The following MYO1C variants were observed in gnomAD, a reference collection of about 807,000 sequenced individuals.
MYO1C encodes myosin IC, also known as unconventional myosin-Ic.
A neutral mutation model predicts 150.8 loss-of-function variants in MYO1C; 104 were observed. The observed-to-expected ratio is 0.69, with a 90% CI of 0.59 to 0.81. MYO1C has a LOEUF of 0.81. Ranked by LOEUF, MYO1C falls within the 30% of genes least tolerant of loss-of-function variation. The pLI is 0.00. For missense variants in MYO1C, 1,504 were observed against 1,435.0 expected (o/e 1.05, Z -0.78); for synonymous variants, 663 against 579.9 (o/e 1.14, Z -2.06).
rs551123081 is a variant in MYO1C, at chr17:1,466,083, G to C, written c.3166-331C>G. Among the ~76,000 whole-genome samples, 4 of 151,566 alleles carry C rather than the reference G, an allele frequency of 2.6e-5. No homozygotes were observed. The South Asian group carries it at 8.4e-4, about 32-fold the overall frequency. On this transcript the variant is annotated intron_variant, in intron 31 of 31. Coordinates refer to ENST00000648651, the MANE Select transcript of MYO1C (RefSeq NM_001080779.2). Reference sequence around the variant, plus strand: ...ATGCCCACCGCCCTGGCCAGCGTGAGCCTGTGAGCCTGTCCTCCCTCCTGG... The same window carrying C: ...ATGCCCACCGCCCTGGCCAGCGTGACCCTGTGAGCCTGTCCTCCCTCCTGG...
intron 17 of MYO1C, among the ~76,000 whole-genome samples, chr17:1,473,456 C>T (rs753856342): frequency 6.6e-6 from 1 of 151,904 alleles, no homozygotes; most frequent in Non-Finnish European, 1.5e-5. Context: ...TGTGGTGCTT[C>T]GGGAGAGGGT....
chr17:1,467,364 G>C (rs760373980), intron 30 of MYO1C, 23 bp from the exon 31 acceptor site: 1 of 1,606,606 alleles, frequency 6.2e-7, no homozygotes, highest in Non-Finnish European at 8.5e-7. Context: ...GGTGGGTGAG[G>C]GTTTTTCCAT....
intron 1 of MYO1C, among the ~76,000 whole-genome samples, chr17:1,488,690 A>G (rs577803910): frequency 6.6e-6 from 1 of 152,042 alleles, no homozygotes; most frequent in African/African-American, 2.4e-5. Flanking sequence ...CTTCAGTGAC[A>G]CCGTTCAGGC....
intron 21 of MYO1C, 62 bp from the exon 22 acceptor site, chr17:1,470,751 CG>C: frequency 6.6e-7 from 1 of 1,516,136 alleles, no homozygotes; most frequent in Non-Finnish European, 9.0e-7. Flanking sequence ...AGCCTGGTGC[CG>C]TGTGCGCTCC....
intron 14 of MYO1C, among the ~76,000 whole-genome samples, chr17:1,475,477 G>A (rs1210597588): frequency 6.6e-6 from 1 of 152,204 alleles, no homozygotes; most frequent in East Asian, 1.9e-4. Flanking sequence ...AGCGGACCAT[G>A]GAGGCTCAGA....
In MYO1C at chr17:1,478,210, A is replaced by T. The variant is rs1212717507; in HGVS notation, c.1296-18T>A. ...GCTCAAAGCTGTAAGGAAGGAGAAG[A>T]GCCCACAGTGGCTCAGTGGGGACAC... On this transcript the variant is annotated intron_variant, in intron 11 of 31. Transcript: ENST00000648651. The surrounding 1 kb of genome is among the most constrained non-coding windows in gnomAD (Gnocchi z 6.3). 2.5e-6 allele frequency: 4 copies of T among 1,611,426 alleles called. No homozygotes were observed. The African/African-American group carries it at 5.3e-5, about 22-fold the overall frequency.
intron 1 of MYO1C, chr17:1,485,815 GC>G: frequency 3.0e-6 from 2 of 657,570 alleles, no homozygotes; most frequent in Non-Finnish European, 3.8e-6. Flanking sequence ...CCCCCGCACC[GC>G]CCCCACCCGG....
Position 1,468,023 on chromosome 17 carries a change from T to G in MYO1C, c.2861A>C (p.Lys954Thr). ...GGCGTAATCAATCCTCTGCTTGACT[T>G]TGGCGTCCTCCACGATGACGACGGC... The part of the protein sequence containing the change: ...PNAVVIVEDA[K>T]VKQRIDYANL... Residue 954 changes from lysine to threonine, a missense_variant, in exon 28 of 32, where the codon AAA (lysine) becomes ACA (threonine). Physicochemically the swap from Lys to Thr is moderately conservative, Grantham distance 78. Transcript: ENST00000648651. 1.2e-6 allele frequency: 2 copies of G among 1,612,724 alleles called. No individual in the cohort carries two copies. Among genetic ancestry groups the G allele is most frequent in the Non-Finnish European group, 1.7e-6 (2 of 1,179,770 alleles).
chr17:1,480,772 GC>G lies in MYO1C; in HGVS notation c.740del (p.Gly247AlafsTer22). 1 of 1,614,078 alleles carries G rather than the reference GC, an allele frequency of 6.2e-7. No homozygotes were observed. Among genetic ancestry groups the G allele is most frequent in the Non-Finnish European group, 8.5e-7 (1 of 1,179,984 alleles). Reference protein sequence around the residue: ...FHIFYQLLEGGEEETLRRLGL... With the variant: ...FHIFYQLLEGXEEETLRRLGL... ...CCAGCCTGCGAAGAGTCTCCTCCTCGCCCCCCTCCAGCAGCTGGTAGAAGAT... is the reference window on the plus strand; with the variant it reads ...CCAGCCTGCGAAGAGTCTCCTCCTCGCCCCCTCCAGCAGCTGGTAGAAGAT... On this transcript the variant is annotated frameshift_variant, in exon 6 of 32. Transcript: ENST00000648651. LOFTEE classifies it high-confidence loss of function.
chr17:1,488,707 C>T (rs1431284459), intron 1 of MYO1C, among the ~76,000 whole-genome samples: 1 of 152,218 alleles, frequency 6.6e-6, no homozygotes, highest in Non-Finnish European at 1.5e-5. Context: ...AGGCCCCTGT[C>T]GGTGTCGTGT....
Position 1,479,448 on chromosome 17 carries a change from T to A in MYO1C, c.1075A>T (p.Ile359Phe), listed in dbSNP as rs897062944. 3 of 1,489,718 alleles carry A rather than the reference T, an allele frequency of 2.0e-6. No individual in the cohort carries two copies. Among genetic ancestry groups the A allele is most frequent in the South Asian group, 2.4e-5 (2 of 83,096 alleles). 92.3% of individuals were successfully genotyped at this position (1,489,718 alleles called of 1,614,324 possible). A position where few individuals can be genotyped will look rare whatever the true frequency, so the allele number is the denominator to read the frequency against. The change falls in exon 9 of 32, where the codon ATC (isoleucine) becomes TTC (phenylalanine). Residue 359 changes from isoleucine to phenylalanine, a missense_variant. Coordinates refer to ENST00000648651, the MANE Select transcript of MYO1C (RefSeq NM_001080779.2). This position sits in a 1 kb window ranked among gnomAD's most constrained non-coding sequence, Gnocchi z 4.2. ...LREALTHRKIIAKGEELLSPL... is the reference protein window; with the variant it reads ...LREALTHRKIFAKGEELLSPL... ...GGCCTCACCTCCTCCCCCTTGGCGATGATCTTCCTGTGTGTCAGGGCTTCT... is the reference window on the plus strand; with the variant it reads ...GGCCTCACCTCCTCCCCCTTGGCGAAGATCTTCCTGTGTGTCAGGGCTTCT...
chr17:1,469,488 C>T, intron 25 of MYO1C, 43 bp downstream of exon 25: 1 of 1,529,360 alleles, frequency 6.5e-7, no homozygotes, highest in Non-Finnish European at 8.9e-7. Context: ...TTGCGACTCC[C>T]TGACTCCACT....
In MYO1C at chr17:1,482,854, C is replaced by T. The variant is rs371800319; in HGVS notation, c.546+7G>A. 6.2e-7 allele frequency: 1 copy of T among 1,610,906 alleles called. No individual in the cohort carries two copies. Among genetic ancestry groups the T allele is most frequent in the Non-Finnish European group, 8.5e-7 (1 of 1,179,732 alleles). ...ACTGGCACTGGGCTTCTCTCCCTGC[C>T]CCTCACCTCCAGCACCGGGTTGCTC... On this transcript the variant is annotated splice_region_variant and intron_variant, in intron 4 of 31. Coordinates refer to ENST00000648651, the MANE Select transcript of MYO1C (RefSeq NM_001080779.2).
In MYO1C at chr17:1,472,014, G is replaced by C. The variant is rs527860096; in HGVS notation, c.1914C>G (p.Asp638Glu). The C allele has an allele frequency of 6.2e-7, 1 of 1,614,022 alleles. No homozygotes were observed. Among genetic ancestry groups the C allele is most frequent in the Non-Finnish European group, 8.5e-7 (1 of 1,179,974 alleles). ...TCACCTGGTGGCGGATCAGCACCTC[G>C]TCAAAGCGGCCTGGGGTAGGGGGAG... ...PNDAKQPGRF[D>E]EVLIRHQVKY... The change falls in exon 19 of 32, where the codon GAC becomes GAG. Residue 638 changes from aspartate to glutamate, a missense_variant. Physicochemically the swap from Asp to Glu is conservative, Grantham distance 45. Coordinates refer to ENST00000648651, the MANE Select transcript of MYO1C (RefSeq NM_001080779.2).
At chr17:1,472,720 G>A (rs921760405) in intron 17 of MYO1C, among the ~76,000 whole-genome samples, 6 of 152,102 alleles carry the variant, frequency 3.9e-5, no homozygotes, top group African/African-American at 1.5e-4. Flanking sequence ...CCCCACAAAG[G>A]GACAATTCAT....
chr17:1,485,803 GC>G, intron 1 of MYO1C: 3 of 766,244 alleles, frequency 3.9e-6, no homozygotes, highest in Non-Finnish European at 3.2e-6. Flanking sequence ...GGGAGGGCCC[GC>G]CCCCCGCACC....
At chr17:1,467,143 T>C in intron 31 of MYO1C, 99 bp downstream of exon 31, 1 of 1,121,784 alleles carries the variant, frequency 8.9e-7, no homozygotes, top group Non-Finnish European at 1.3e-6. Context: ...GGCCTCTGGA[T>C]GAAGGCCCAT....
chr17:1,483,644 G>A lies in MYO1C; in HGVS notation c.313C>T (p.Arg105Cys), dbSNP rs781471499. 2.2e-5 allele frequency: 35 copies of A among 1,612,600 alleles called. No homozygotes were observed. Among genetic ancestry groups the A allele is most frequent in the Admixed American group, 1.5e-4 (9 of 59,792 alleles). Residue 105 changes from arginine (R) to cysteine (C), a missense_variant, in exon 3 of 32, where the codon CGT becomes TGT. Physicochemically the swap from Arg to Cys is radical, Grantham distance 180 (BLOSUM62 -3). Coordinates refer to ENST00000648651, the MANE Select transcript of MYO1C (RefSeq NM_001080779.2). ...GGCACTTCATAGAAGCTGACGCCAC[G>A]GTAACGCTCCATATGCTGCCGGCTG... ...IYSRQHMERY[R>C]GVSFYEVPPH... is the part of the protein sequence containing the mutation.
intron 1 of MYO1C, among the ~76,000 whole-genome samples, chr17:1,489,523 T>C (rs2074705932): frequency 6.6e-6 from 1 of 151,154 alleles, no homozygotes; most frequent in Non-Finnish European, 1.5e-5. Flanking sequence ...CACTAAAATT[T>C]TTTTAAAAAG....
Sources: allele counts gnomAD v4.1 joint callset (sites outside exome capture counted in the v4.1 genomes callset), GRCh38; gene constraint gnomAD v4.1.1; non-coding constraint Gnocchi (gnomAD v3.1); transcripts MANE v1.5; gene names NCBI Gene and HGNC (gene_info 2026-07-23, HGNC 2026-07-21).